The following TMEM132B variants were observed in gnomAD, a reference collection of about 807,000 sequenced individuals.
TMEM132B encodes the protein transmembrane protein 132B.
TMEM132B carries 18 observed loss-of-function variants against 90.8 expected under a neutral mutation model. The observed-to-expected ratio is 0.20, with a 90% CI of 0.14 to 0.29. TMEM132B has a LOEUF of 0.29. Among genes scored for constraint, TMEM132B ranks in the 10% least tolerant of loss-of-function variants. The pLI is 1.00. For missense variants in TMEM132B, 1,096 were observed against 1,326.8 expected, an observed-to-expected ratio of 0.83 and a Z score of 2.70; for synonymous variants, 504 against 523.3, an observed-to-expected ratio of 0.96 and a Z score of 0.50.
intron 1 of TMEM132B, among the ~76,000 whole-genome samples, chr12:125,285,438 C>CA (rs1223689466): frequency 6.6e-6 from 1 of 152,212 alleles, no homozygotes; most frequent in Non-Finnish European, 1.5e-5. Context: ...GTCTAGGCCC[C>CA]AGTGAGTAGT....
rs75820663 is a variant in TMEM132B, at chr12:125,221,786, T to C, written c.67+34920T>C. ...ATTCATGTGGAATTCAGGGAAGGCT[T>C]CCTGGAGGAGGTGTGACTTGCGTGG... On this transcript the variant is annotated intron_variant, in intron 1 of 8. Coordinates refer to ENST00000682704, the MANE Select transcript of TMEM132B (RefSeq NM_001366854.1). 1.8e-3 allele frequency among the ~76,000 whole-genome samples: 269 copies of C among 152,314 alleles called. 5 individuals carry two copies. The East Asian group carries it at 0.045, about 26-fold the overall frequency.
chr12:125,273,798 C>T (rs571703466), intron 1 of TMEM132B, among the ~76,000 whole-genome samples: 1 of 152,222 alleles, frequency 6.6e-6, no homozygotes, highest in East Asian at 1.9e-4. Flanking sequence ...CCCGAATAGC[C>T]TGGATTACAG....
At chr12:125,514,638 T>C (rs1883061310) in intron 3 of TMEM132B, among the ~76,000 whole-genome samples, 1 of 152,166 alleles carries the variant, frequency 6.6e-6, no homozygotes, top group South Asian at 2.1e-4. Flanking sequence ...TCCAGACGTT[T>C]GCAAAAAATA....
chr12:125,589,757 G>A (rs1273466991), intron 5 of TMEM132B, among the ~76,000 whole-genome samples: 5 of 152,176 alleles, frequency 3.3e-5, no homozygotes, highest in East Asian at 2.0e-4. Flanking sequence ...ACCATCTATC[G>A]TGAGGACAGT....
Position 125,364,903 on chromosome 12 carries a change from G to T in TMEM132B, c.959+14560G>T, listed in dbSNP as rs372591410. On this transcript the variant is annotated intron_variant, in intron 2 of 8. Transcript: ENST00000682704. The stretch of plus-strand genomic sequence containing the variant: ...TTATCTGTATCTTTATACTTAAAAT[G>T]TGCCTCTTGTAGATAGCATACACTT... Among the ~76,000 whole-genome samples, 4 of 151,906 alleles carry T rather than the reference G, an allele frequency of 2.6e-5. No individual in the cohort carries two copies. The South Asian group carries it at 6.2e-4, about 24-fold the overall frequency.
At chr12:125,486,618 C>G (rs891736815) in intron 3 of TMEM132B, among the ~76,000 whole-genome samples, 11 of 152,170 alleles carry the variant, frequency 7.2e-5, no homozygotes, top group Admixed American at 6.5e-4. Context: ...GTGACAATTA[C>G]TTCTGGCCCA....
At chr12:125,534,112 A>G (rs1256386402) in intron 4 of TMEM132B, among the ~76,000 whole-genome samples, 2 of 152,188 alleles carry the variant, frequency 1.3e-5, no homozygotes, top group Admixed American at 1.3e-4. Context: ...TTCTTTATTA[A>G]GGGCTAGGTC....
At chr12:125,212,468 G>A (rs1429703966) in intron 1 of TMEM132B, among the ~76,000 whole-genome samples, 10 of 152,058 alleles carry the variant, frequency 6.6e-5, no homozygotes, top group African/African-American at 2.4e-4. Flanking sequence ...CGAGGCGGGT[G>A]GATCATCTGA....
intron 5 of TMEM132B, among the ~76,000 whole-genome samples, chr12:125,599,175 G>C (rs1158511945): frequency 6.6e-6 from 1 of 152,026 alleles, no homozygotes; most frequent in East Asian, 1.9e-4. Flanking sequence ...ATGCTCTTCT[G>C]GTGATACTGA....
chr12:125,658,864 T>A lies in TMEM132B; in HGVS notation c.*4154T>A, dbSNP rs1191122110. On this transcript the variant is annotated 3_prime_UTR_variant, in exon 9 of 9. Transcript: ENST00000682704. ...AGAAAGGCTGTGGCTTATGTTGGGA[T>A]TGATGATGGAATCTGCCAGAACATT... 6.6e-6 allele frequency: 1 copy of A among 152,240 alleles called. No individual in the cohort carries two copies. Among genetic ancestry groups the A allele is most frequent in the Admixed American group, 6.5e-5 (1 of 15,290 alleles). 9.4% of individuals were successfully genotyped at this position (152,240 alleles called of 1,614,324 possible). A position where few individuals can be genotyped will look rare whatever the true frequency, so the allele number is the denominator to read the frequency against.
intron 4 of TMEM132B, among the ~76,000 whole-genome samples, chr12:125,548,095 GA>G (rs1332531255): frequency 1.3e-5 from 2 of 152,198 alleles, no homozygotes. Context: ...AGGGAAGGCA[GA>G]GAGGTCTGCC....
At chr12:125,626,183 C>CT (rs1566093281) in intron 5 of TMEM132B, among the ~76,000 whole-genome samples, 2 of 89,844 alleles carry the variant, frequency 2.2e-5, no homozygotes, top group Admixed American at 2.2e-4. Flanking sequence ...CTGACACCTT[C>CT]TTTTTTTCTG....
At chr12:125,287,760 C>T (rs986833633) in intron 1 of TMEM132B, among the ~76,000 whole-genome samples, 2 of 138,230 alleles carry the variant, frequency 1.4e-5, no homozygotes, top group Non-Finnish European at 3.2e-5. Context: ...TATACCTTCC[C>T]TTCTAAAAAA....
At position 125,650,716 on chromosome 12, in the gene TMEM132B, G is replaced by A; in HGVS notation, c.1677G>A (p.Glu559=). The A allele has an allele frequency of 6.2e-7, 1 of 1,612,356 alleles. No individual in the cohort carries two copies. Residue 559 remains glutamate (E), a synonymous_variant, in exon 7 of 9, where the codon GAG becomes GAA. Transcript: ENST00000682704. ...GGGAAAGCGATGACGAGGACGATGA[G>A]GAGAAGAAGGGACGAGGCTGCTCCC... ...PTRESDDEDD[E]EKKGRGCSLQ... is the part of the protein sequence containing the mutation.
chr12:125,240,110 A>C (rs931117769), intron 1 of TMEM132B, among the ~76,000 whole-genome samples: 1 of 152,202 alleles, frequency 6.6e-6, no homozygotes, highest in African/African-American at 2.4e-5. Context: ...TGTAGAGCTC[A>C]TTCCTTCCAC....
intron 2 of TMEM132B, among the ~76,000 whole-genome samples, chr12:125,401,324 T>A (rs1282752530): frequency 6.6e-6 from 1 of 152,208 alleles, no homozygotes; most frequent in Non-Finnish European, 1.5e-5. Context: ...CTTGGGCTTA[T>A]ATCTAGTGGG....
chr12:125,409,923 TGAGTGGAGTGGAGTGGAG>T (rs1879688594), intron 2 of TMEM132B, among the ~76,000 whole-genome samples: 1 of 4,802 alleles, frequency 2.1e-4, no homozygotes, highest in African/African-American at 1.2e-3. Flanking sequence ...GTGGAGTGAG[TGAGTGGAGTGGAGTGGAG>T]GAGTGGAGTG....
intron 3 of TMEM132B, among the ~76,000 whole-genome samples, chr12:125,432,567 A>AT (rs1491523990): frequency 7.4e-6 from 1 of 134,468 alleles, no homozygotes; most frequent in African/African-American, 2.8e-5. Context: ...AGAGAGAGAG[A>AT]AAGAGAGTGT....
intron 5 of TMEM132B, among the ~76,000 whole-genome samples, chr12:125,623,140 C>G (rs1886152503): frequency 6.6e-6 from 1 of 152,136 alleles, no homozygotes; most frequent in Admixed American, 6.6e-5. Context: ...ACCAGATCAT[C>G]AACGCCCAAT....
Sources: gnomAD v4.1 joint callset for allele counts (sites outside exome capture counted in the v4.1 genomes callset) on GRCh38, gnomAD v4.1.1 for gene constraint, MANE v1.5 for transcripts, NCBI Gene and HGNC (gene_info 2026-07-23, HGNC 2026-07-21) for gene names.